The following SHROOM3 variants were observed in gnomAD, a reference collection of about 807,000 sequenced individuals.
SHROOM3 encodes shroom family member 3.
A neutral mutation model predicts 138.6 loss-of-function variants in SHROOM3; 47 were observed. The observed-to-expected ratio is 0.34, with a 90% CI of 0.27 to 0.43. SHROOM3 has a LOEUF of 0.43. Ranked by LOEUF, SHROOM3 falls within the 20% of genes least tolerant of loss-of-function variation. The pLI, the probability that SHROOM3 is intolerant of heterozygous loss-of-function variation, is 1.00. For synonymous variants in SHROOM3, 1,062 were observed against 1,063.3 expected, an observed-to-expected ratio of 1.00 and a Z score of 0.02; for missense variants, 2,491 against 2,596.5, an observed-to-expected ratio of 0.96 and a Z score of 0.88.
At chr4:76,579,866 A>T (rs1734014592) in intron 2 of SHROOM3, among the ~76,000 whole-genome samples, 1 of 152,144 alleles carries the variant, frequency 6.6e-6, no homozygotes. Flanking sequence ...TAAATCGGGG[A>T]AGAGAATCGT....
At chr4:76,644,742 C>T (rs1330780384) in intron 2 of SHROOM3, among the ~76,000 whole-genome samples, 2 of 152,182 alleles carry the variant, frequency 1.3e-5, no homozygotes, top group Non-Finnish European at 1.5e-5. Flanking sequence ...TTCACTTTCA[C>T]TTTCAGCATC....
chr4:76,528,279 A>G (rs1467644212), intron 1 of SHROOM3, among the ~76,000 whole-genome samples: 3 of 151,126 alleles, frequency 2.0e-5, no homozygotes, highest in South Asian at 4.2e-4. Context: ...GATAAATCCA[A>G]TTACTTCTTG....
chr4:76,740,163 T>A lies in SHROOM3; in HGVS notation c.1990T>A (p.Ser664Thr). ...NFGKTKSAFSSLQNIPESLRR... is the reference protein window; with the variant it reads ...NFGKTKSAFSTLQNIPESLRR... ...TGGCAAGACCAAGTCAGCCTTCTCATCTCTCCAGAACATTCCTGAGAGTCT... is the reference window on the plus strand; with the variant it reads ...TGGCAAGACCAAGTCAGCCTTCTCAACTCTCCAGAACATTCCTGAGAGTCT... The change falls in exon 5 of 11, where the codon TCT (serine) becomes ACT (threonine). Residue 664 changes from serine to threonine, a missense_variant. This residue lies in a region of SHROOM3 where 1,733 missense variants were observed against 1,661.6 expected (regional missense o/e 1.04). Coordinates refer to ENST00000296043, the MANE Select transcript of SHROOM3 (RefSeq NM_020859.4). The surrounding 1 kb of genome is among the most constrained non-coding windows in gnomAD (Gnocchi z 4.0). The A allele has an allele frequency of 6.2e-7, 1 of 1,613,900 alleles. No individual in the cohort carries two copies. The highest frequency in any genetic ancestry group is 1.1e-5 in the South Asian group (1 of 91,086).
intron 2 of SHROOM3, among the ~76,000 whole-genome samples, chr4:76,661,687 C>CT (rs1283853926): frequency 6.6e-6 from 1 of 152,072 alleles, no homozygotes; most frequent in African/African-American, 2.4e-5. Context: ...AGTATATAAT[C>CT]TTTTTTGTTG....
At chr4:76,772,103 C>CTT (rs35590411) in intron 10 of SHROOM3, among the ~76,000 whole-genome samples, 19 of 125,142 alleles carry the variant, frequency 1.5e-4, no homozygotes, top group Non-Finnish European at 2.5e-4. Context: ...TTTTCTTTTT[C>CTT]TTTTTTTTTT....
intron 1 of SHROOM3, among the ~76,000 whole-genome samples, chr4:76,487,125 T>C (rs979646020): frequency 1.3e-5 from 2 of 152,312 alleles, no homozygotes; most frequent in East Asian, 3.9e-4. Context: ...TGGCAACCAC[T>C]TATCTACTTT....
chr4:76,724,273 T>TA (rs1296646074), intron 3 of SHROOM3, among the ~76,000 whole-genome samples: 3 of 152,248 alleles, frequency 2.0e-5, no homozygotes, highest in Admixed American at 6.5e-5. Context: ...GACTTACTGA[T>TA]ATGCTCATGA....
intron 1 of SHROOM3, among the ~76,000 whole-genome samples, chr4:76,436,622 TAA>T (rs768755570): frequency 6.6e-6 from 1 of 152,248 alleles, no homozygotes; most frequent in Admixed American, 6.5e-5. Context: ...AAAAATATTT[TAA>T]GTTTGCTTAT....
At chr4:76,533,671 T>A (rs1179625149) in intron 1 of SHROOM3, among the ~76,000 whole-genome samples, 2 of 152,224 alleles carry the variant, frequency 1.3e-5, no homozygotes, top group African/African-American at 4.8e-5. Context: ...TGTTTCATAT[T>A]TTAAAAACTA....
intron 2 of SHROOM3, among the ~76,000 whole-genome samples, chr4:76,620,070 CAAAAAAAAAA>C (rs68039696): frequency 2.0e-3 from 123 of 61,106 alleles, no homozygotes; most frequent in Middle Eastern, 0.02. Flanking sequence ...GAATCTATCT[CAAAAAAAAAA>C]AAAAAAAAAA....
intron 2 of SHROOM3, among the ~76,000 whole-genome samples, chr4:76,614,830 A>C (rs552629479): frequency 6.6e-6 from 1 of 152,224 alleles, no homozygotes; most frequent in African/African-American, 2.4e-5. Flanking sequence ...CTGGGAGTCA[A>C]ATGCCATTTG....
chr4:76,766,206 C>T (rs1722150992), intron 9 of SHROOM3, among the ~76,000 whole-genome samples: 1 of 152,230 alleles, frequency 6.6e-6, no homozygotes, highest in Admixed American at 6.5e-5. Context: ...AATAGTAAAA[C>T]ACTTAAATGG....
intron 4 of SHROOM3, among the ~76,000 whole-genome samples, chr4:76,735,853 AAAAAAAAAAAAAAAAATATATAT>A (rs56707928): frequency 0.014 from 757 of 55,424 alleles, 9 homozygotes; most frequent in African/African-American, 0.05. Flanking sequence ...AAAAAAAAAA[AAAAAAAAAAAAAAAAATATATAT>A]ATATATATAT....
chr4:76,541,941 T>A (rs1436435076), intron 1 of SHROOM3, among the ~76,000 whole-genome samples: 5 of 151,698 alleles, frequency 3.3e-5, no homozygotes, highest in Non-Finnish European at 5.9e-5. Context: ...AGGATAGGAG[T>A]CCTCTATGAT....
At chr4:76,621,830 C>G in intron 2 of SHROOM3, among the ~76,000 whole-genome samples, 1 of 133,362 alleles carries the variant, frequency 7.5e-6, no homozygotes, top group South Asian at 2.5e-4. Flanking sequence ...TTTGAATGTT[C>G]TTTTTTTTTT....
rs1452185122 is a variant in SHROOM3, at chr4:76,646,216, T to TAATAAATAAATA, written c.324-63939_324-63928dup. 1.3e-3 allele frequency among the ~76,000 whole-genome samples: 132 copies of TAATAAATAAATA among 105,106 alleles called. 1 individual carries two copies. Among genetic ancestry groups the TAATAAATAAATA allele is most frequent in the Non-Finnish European group, 1.9e-3 (100 of 53,820 alleles). The allele number at this position is 105,106 out of a possible 152,430, so 69.0% of individuals were successfully genotyped here. Reference sequence around the variant, plus strand: ...CACATGTACCCTAGAACTTAAAGTATAATAAATAAATATATATATATATAT... The same window carrying TAATAAATAAATA: ...CACATGTACCCTAGAACTTAAAGTATAATAAATAAATAAATAAATAAATATATATATATATAT... On this transcript the variant is annotated intron_variant, in intron 2 of 10. Coordinates refer to ENST00000296043, the MANE Select transcript of SHROOM3 (RefSeq NM_020859.4).
intron 1 of SHROOM3, among the ~76,000 whole-genome samples, chr4:76,513,439 G>A (rs984174300): frequency 2.6e-5 from 4 of 151,844 alleles, no homozygotes; most frequent in African/African-American, 4.8e-5. Context: ...TCAGCCTCCC[G>A]CGTAGCTGGG....
chr4:76,600,952 A>G (rs1734492487), intron 2 of SHROOM3, among the ~76,000 whole-genome samples: 1 of 152,228 alleles, frequency 6.6e-6, no homozygotes, highest in African/African-American at 2.4e-5. Context: ...ATCAGGGACT[A>G]GGAAAAGTGG....
At chr4:76,447,164 C>G (rs1049380828) in intron 1 of SHROOM3, among the ~76,000 whole-genome samples, 2 of 152,078 alleles carry the variant, frequency 1.3e-5, no homozygotes, top group African/African-American at 4.8e-5. Flanking sequence ...CTAAAGATCT[C>G]AAAATTTAAA....
Sources: allele counts gnomAD v4.1 joint callset (sites outside exome capture counted in the v4.1 genomes callset), GRCh38; gene constraint gnomAD v4.1.1; regional missense constraint gnomAD v4.1.1; non-coding constraint Gnocchi (gnomAD v3.1); transcripts MANE v1.5; gene names NCBI Gene and HGNC (gene_info 2026-07-23, HGNC 2026-07-21).